BANK1: variants seen among roughly 807,000 people sequenced by gnomAD.
BANK1 encodes the protein B cell scaffold protein with ankyrin repeats 1.
Under a neutral mutation model 94.5 loss-of-function variants are expected in BANK1, and 95 were observed. The ratio of observed to expected loss-of-function variants is 1.00; its 90% CI spans 0.85 to 1.19. The LOEUF (loss-of-function observed/expected upper bound fraction) is 1.19, where lower values mean the gene tolerates loss of function less well. Among genes scored for constraint, BANK1 ranks in the 50% most tolerant of loss-of-function variants. The probability of loss-of-function intolerance (pLI) is 0.00; values close to 1 mark genes in which losing one functional copy is unlikely to be tolerated. For synonymous variants in BANK1, 334 were observed against 308.4 expected (o/e 1.08, Z -0.87); for missense variants, 987 against 932.2 (o/e 1.06, Z -0.77).
At chr4:101,950,470 C>T (rs538946668) in intron 7 of BANK1, among the ~76,000 whole-genome samples, 2 of 152,094 alleles carry the variant, frequency 1.3e-5, no homozygotes, top group South Asian at 4.1e-4. Context: ...TGAGTCCTAT[C>T]ACCATTTGGA....
At chr4:102,065,812 T>C (rs138728134) in intron 13 of BANK1, among the ~76,000 whole-genome samples, 2 of 152,016 alleles carry the variant, frequency 1.3e-5, no homozygotes, top group South Asian at 2.1e-4. Context: ...AAATTGGAGA[T>C]GACAAATTAA....
chr4:101,801,797 T>G (rs1315736973), intron 1 of BANK1, among the ~76,000 whole-genome samples: 1 of 152,272 alleles, frequency 6.6e-6, no homozygotes, highest in African/African-American at 2.4e-5. Context: ...CTTTGTCTTA[T>G]GCATCACAAA....
intron 7 of BANK1, among the ~76,000 whole-genome samples, chr4:101,920,687 T>A (rs1722973967): frequency 6.6e-6 from 1 of 151,956 alleles, no homozygotes; most frequent in Admixed American, 6.6e-5. Context: ...CCAACATATT[T>A]TGCTCCTAAC....
intron 10 of BANK1, among the ~76,000 whole-genome samples, chr4:102,035,613 A>G (rs1578470818): frequency 6.9e-6 from 1 of 145,652 alleles, no homozygotes; most frequent in Admixed American, 7.1e-5. Context: ...GCGCCACTGC[A>G]CTCCAGCCTG....
At chr4:102,013,537 A>T (rs1408730022) in intron 7 of BANK1, among the ~76,000 whole-genome samples, 1 of 152,084 alleles carries the variant, frequency 6.6e-6, no homozygotes, top group Non-Finnish European at 1.5e-5. Context: ...GTCTATAGGA[A>T]TGGTGGCCCC....
At chr4:102,007,086 ATATATAATATAT>A (rs1726298267) in intron 7 of BANK1, among the ~76,000 whole-genome samples, 2 of 105,866 alleles carry the variant, frequency 1.9e-5, no homozygotes, top group African/African-American at 7.9e-5. Flanking sequence ...ATATAAATAT[ATATATAATATAT>A]TTATATATAT....
intron 6 of BANK1, among the ~76,000 whole-genome samples, chr4:101,897,674 G>A (rs1722133825): frequency 6.6e-6 from 1 of 152,002 alleles, no homozygotes; most frequent in Non-Finnish European, 1.5e-5. Context: ...GCAATCACCT[G>A]TGTAGCTTTT....
At position 101,907,525 on chromosome 4, in the gene BANK1, A is replaced by G. The variant is rs564159832; in HGVS notation, c.1010-10468A>G. Among the ~76,000 whole-genome samples, 244 of 152,344 alleles carry G rather than the reference A, an allele frequency of 1.6e-3. 1 individual carries two copies. Among genetic ancestry groups the G allele is most frequent in the African/African-American group, 5.7e-3 (237 of 41,576 alleles). Reference sequence around the variant, plus strand: ...AGGGATGCCCTCTCTCACCACTCCTATTCAACATAGTGTTGGAAGTTCTGG... The same window carrying G: ...AGGGATGCCCTCTCTCACCACTCCTGTTCAACATAGTGTTGGAAGTTCTGG... On this transcript the variant is annotated intron_variant, in intron 6 of 16. Coordinates refer to ENST00000322953, the MANE Select transcript of BANK1 (RefSeq NM_017935.5).
chr4:102,019,564 C>T (rs527817871), intron 7 of BANK1, among the ~76,000 whole-genome samples: 13 of 152,228 alleles, frequency 8.5e-5, no homozygotes, highest in African/African-American at 2.6e-4. Context: ...GATAGAGCTG[C>T]GATTTGTACT....
intron 8 of BANK1, among the ~76,000 whole-genome samples, chr4:102,023,110 C>T (rs1174602296): frequency 3.3e-5 from 5 of 152,128 alleles, no homozygotes. Context: ...TTTTTATTCA[C>T]TGTTTTGATT....
intron 11 of BANK1, among the ~76,000 whole-genome samples, chr4:102,050,788 G>C (rs1179223539): frequency 6.7e-6 from 1 of 149,452 alleles, no homozygotes. Flanking sequence ...TGAGTAAAGG[G>C]ATATAGAGTC....
At chr4:101,953,505 A>G (rs1724240080) in intron 7 of BANK1, among the ~76,000 whole-genome samples, 1 of 152,066 alleles carries the variant, frequency 6.6e-6, no homozygotes, top group South Asian at 2.1e-4. Flanking sequence ...CAGACTTGCA[A>G]CACTGTATCA....
intron 11 of BANK1, among the ~76,000 whole-genome samples, chr4:102,047,232 G>A (rs1560707244): frequency 6.6e-6 from 1 of 152,098 alleles, no homozygotes; most frequent in Non-Finnish European, 1.5e-5. Context: ...ACTTCAAGTG[G>A]CATTTTTTCA....
Position 101,897,071 on chromosome 4 carries a change from TCCACAAA to T in BANK1, c.1009+1666_1009+1672del, listed in dbSNP as rs1032425019. 2.0e-5 allele frequency among the ~76,000 whole-genome samples: 3 copies of T among 151,974 alleles called. 1 individual carries two copies. Among genetic ancestry groups the T allele is most frequent in the African/African-American group, 7.2e-5 (3 of 41,426 alleles). On this transcript the variant is annotated intron_variant, in intron 6 of 16. Transcript: ENST00000322953. ...AAAAGTCTTAATTAGGAACTTTTGT[TCCACAAA>T]CCACTCCTCACCTCATGGTTTTGGT... is the stretch of plus-strand genomic sequence containing the variant.
chr4:102,038,570 G>A (rs1727599689), intron 10 of BANK1, among the ~76,000 whole-genome samples: 2 of 152,154 alleles, frequency 1.3e-5, no homozygotes, highest in South Asian at 4.1e-4. Flanking sequence ...CCTGCTAACA[G>A]GAGGGAGGAA....
intron 1 of BANK1, among the ~76,000 whole-genome samples, chr4:101,808,743 T>A (rs1725644728): frequency 6.6e-6 from 1 of 151,674 alleles, no homozygotes; most frequent in Non-Finnish European, 1.5e-5. Flanking sequence ...CCAACAAACA[T>A]ATGAAAAATG....
At chr4:101,889,604 C>CAAAAAAAAA (rs59341810) in intron 5 of BANK1, among the ~76,000 whole-genome samples, 1 of 54,926 alleles carries the variant, frequency 1.8e-5, no homozygotes. Flanking sequence ...GACTCCGTCT[C>CAAAAAAAAA]AAAAAAAAAA....
At chr4:101,959,921 A>G (rs1477808044) in intron 7 of BANK1, among the ~76,000 whole-genome samples, 1 of 152,206 alleles carries the variant, frequency 6.6e-6, no homozygotes. Flanking sequence ...TGTCATTTTT[A>G]GAAAATGTGG....
At chr4:101,926,259 T>C (rs1723148214) in intron 7 of BANK1, among the ~76,000 whole-genome samples, 1 of 151,682 alleles carries the variant, frequency 6.6e-6, no homozygotes, top group Non-Finnish European at 1.5e-5. Flanking sequence ...ATTACAGCTC[T>C]GAGCCTCAAC....
Sources: gnomAD v4.1 joint callset for allele counts (sites outside exome capture counted in the v4.1 genomes callset) on GRCh38, gnomAD v4.1.1 for gene constraint, MANE v1.5 for transcripts, NCBI Gene and HGNC (gene_info 2026-07-23, HGNC 2026-07-21) for gene names.